The following SQLE variants were observed in gnomAD, a reference collection of about 807,000 sequenced individuals.
The protein encoded by SQLE is squalene epoxidase.
Under a neutral mutation model 60.7 loss-of-function variants are expected in SQLE, and 29 were observed. That is an observed-to-expected ratio of 0.48 (90% confidence interval 0.36 to 0.65). The LOEUF (loss-of-function observed/expected upper bound fraction) is 0.65, where lower values mean the gene tolerates loss of function less well. Ranked by LOEUF, SQLE falls within the 30% of genes least tolerant of loss-of-function variation. The pLI, the probability that SQLE is intolerant of heterozygous loss-of-function variation, is 0.00. For missense variants in SQLE, 605 were observed against 684.1 expected (o/e 0.88, Z 1.29); for synonymous variants, 237 against 246.8 (o/e 0.96, Z 0.37).
chr8:125,004,821 A>G (rs1814921785), intron 2 of SQLE, among the ~76,000 whole-genome samples: 1 of 152,036 alleles, frequency 6.6e-6, no homozygotes, highest in South Asian at 2.1e-4. Flanking sequence ...TGGCACTTTA[A>G]AAATGTGATA....
In SQLE at chr8:125,018,735, TAG is replaced by T. The variant is rs1815150888; in HGVS notation, c.1444+10_1444+11del. The stretch of plus-strand genomic sequence containing the variant: ...TATTTTCTGCCACAGATGGTAAGTG[TAG>T]ACACTTTTTAGTGAATATTACTCAA... On this transcript the variant is annotated intron_variant, in intron 9 of 10. Coordinates refer to ENST00000265896, the MANE Select transcript of SQLE (RefSeq NM_003129.4). The T allele has an allele frequency of 6.4e-7, 1 of 1,564,582 alleles. No individual in the cohort carries two copies. The highest frequency in any genetic ancestry group is 1.4e-5 in the African/African-American group (1 of 73,068).
Position 125,009,052 on chromosome 8 carries a change from G to A in SQLE, c.904G>A (p.Val302Ile), listed in dbSNP as rs766266300. ...RKSLVSNKVS[V>I]SSHFVGFLMK... ...AAGCCTGGTCTCCAATAAAGTTTCT[G>A]TATCATCTCATTTTGTTGGCTTTCT... Residue 302 changes from valine (V) to isoleucine (I), a missense_variant, in exon 5 of 11, where the codon GTA becomes ATA. Physicochemically the swap from Val to Ile is conservative, Grantham distance 29. Transcript: ENST00000265896. 3 of 1,600,234 alleles carry A rather than the reference G, an allele frequency of 1.9e-6. No homozygotes were observed. The highest frequency in any genetic ancestry group is 2.6e-6 in the Non-Finnish European group (3 of 1,175,060).
intron 1 of SQLE, among the ~76,000 whole-genome samples, chr8:125,001,658 AT>A (rs769038906): frequency 1.3e-5 from 2 of 151,242 alleles, no homozygotes; most frequent in African/African-American, 4.9e-5. Flanking sequence ...ACAGAAAAGT[AT>A]TTTTCTGAGA....
chr8:125,006,829 C>T (rs192926307), intron 3 of SQLE, among the ~76,000 whole-genome samples: 2,441 of 151,510 alleles, frequency 0.016, 78 homozygotes, highest in African/African-American at 0.055. Flanking sequence ...CTCAGCCTCC[C>T]GAGTAGCTGG....
chr8:125,021,683 A>G (rs1196844908), intron 10 of SQLE, 70 bp from the exon 11 acceptor site: 24 of 1,116,046 alleles, frequency 2.2e-5, no homozygotes, highest in East Asian at 1.8e-4. Flanking sequence ...CGTAGATTAT[A>G]TGTAATTGGA....
At chr8:125,001,094 A>G (rs2129868534) in intron 1 of SQLE, among the ~76,000 whole-genome samples, 1 of 152,262 alleles carries the variant, frequency 6.6e-6, no homozygotes, top group South Asian at 2.1e-4. Flanking sequence ...GTTCAGTGAC[A>G]TGGTGCATGG....
intron 7 of SQLE, 28 bp from the exon 8 acceptor site, chr8:125,018,031 A>G (rs1815137381): frequency 6.2e-7 from 1 of 1,608,436 alleles, no homozygotes; most frequent in African/African-American, 1.3e-5. Context: ...ATGCTCTAAA[A>G]TAAAATCTTC....
chr8:125,018,078 C>T lies in SQLE; in HGVS notation c.1224C>T (p.Asp408=), dbSNP rs768467654. The T allele has an allele frequency of 4.3e-5, 69 of 1,613,372 alleles. No homozygotes were observed. Among genetic ancestry groups the T allele is most frequent in the East Asian group, 3.1e-4 (14 of 44,868 alleles). ...VKKRGVLLLG[D]AYNMRHPLTG... ...TCATAGGTGTTCTTCTTTTGGGAGA[C>T]GCATATAATATGAGGCATCCACTTA... Residue 408 remains aspartate (D), a synonymous_variant, in exon 8 of 11, where the codon GAC becomes GAT. Coordinates refer to ENST00000265896, the MANE Select transcript of SQLE (RefSeq NM_003129.4).
rs1041191875 is a variant in SQLE at position 125,007,421 on chromosome 8, G to A, written c.756G>A (p.Gln252=). 1.3e-6 allele frequency: 2 copies of A among 1,556,404 alleles called. No homozygotes were observed. Among genetic ancestry groups the A allele is most frequent in the Non-Finnish European group, 1.7e-6 (2 of 1,149,272 alleles). ...AGTTTATTGAAGGTGTTGTGTTACA[G>A]TTATTAGAGGAAGATGATGTTGTGA... ...NAKFIEGVVL[Q]LLEEDDVVMG... Residue 252 remains glutamine, a synonymous_variant, in exon 4 of 11, where the codon CAG becomes CAA. Transcript: ENST00000265896.
chr8:125,018,675 T>G lies in SQLE; in HGVS notation c.1392T>G (p.Phe464Leu), dbSNP rs747201931. Residue 464 changes from phenylalanine to leucine, a missense_variant, in exon 9 of 11, where the codon TTT becomes TTG. Physicochemically the swap from Phe to Leu is conservative, Grantham distance 22. Transcript: ENST00000265896. ...GGGCAAGAAAAACATCTCATTCCTTTGTCGTGAATATCCTTGCTCAGGCTC... is the reference window on the plus strand; with the variant it reads ...GGGCAAGAAAAACATCTCATTCCTTGGTCGTGAATATCCTTGCTCAGGCTC... Reference protein sequence around the residue: ...FYWARKTSHSFVVNILAQALY... With the variant: ...FYWARKTSHSLVVNILAQALY... The G allele has an allele frequency of 2.5e-6, 4 of 1,607,166 alleles. No homozygotes were observed. Among genetic ancestry groups the G allele is most frequent in the Non-Finnish European group, 3.4e-6 (4 of 1,178,288 alleles).
intron 9 of SQLE, among the ~76,000 whole-genome samples, chr8:125,019,321 A>AG (rs1815163853): frequency 1.3e-5 from 2 of 152,170 alleles, no homozygotes; most frequent in Admixed American, 1.3e-4. Flanking sequence ...GAAATGATTC[A>AG]TGCCTGTAAT....
chr8:125,015,053 T>TA (rs1815090588), intron 7 of SQLE, among the ~76,000 whole-genome samples: 1 of 152,214 alleles, frequency 6.6e-6, no homozygotes, highest in Admixed American at 6.5e-5. Context: ...TCCTTAGCTC[T>TA]AATAATATTT....
chr8:125,018,253 G>A (rs1262359229), intron 8 of SQLE, 52 bp downstream of exon 8: 4 of 1,589,756 alleles, frequency 2.5e-6, no homozygotes, highest in South Asian at 1.1e-5. Context: ...TATTTCTGGG[G>A]GTTAAGAGCA....
intron 1 of SQLE, among the ~76,000 whole-genome samples, chr8:125,002,266 C>A (rs1814867251): frequency 6.6e-6 from 1 of 152,098 alleles, no homozygotes; most frequent in Non-Finnish European, 1.5e-5. Context: ...TTTAGATAAT[C>A]TTCAATTAAT....
At chr8:125,021,729 A>G in intron 10 of SQLE, 24 bp from the exon 11 acceptor site, 1 of 1,533,544 alleles carries the variant, frequency 6.5e-7, no homozygotes, top group Non-Finnish European at 8.8e-7. Context: ...GAGTCTTACC[A>G]ATATGTATTT....
chr8:125,009,042 TAA>T lies in SQLE; in HGVS notation c.896_897del (p.Lys299SerfsTer19). ...AGTTCAGGAAAAGCCTGGTCTCCAA[TAA>T]AGTTTCTGTATCATCTCATTTTGTT... The part of the protein sequence containing the change: ...SKFRKSLVSN[K>X]VSVSSHFVGF... On this transcript the variant is annotated frameshift_variant, in exon 5 of 11. Coordinates refer to ENST00000265896, the MANE Select transcript of SQLE (RefSeq NM_003129.4). LOFTEE classifies it high-confidence loss of function. 6.2e-7 allele frequency: 1 copy of T among 1,603,932 alleles called. No homozygotes were observed. The highest frequency in any genetic ancestry group is 8.5e-7 in the Non-Finnish European group (1 of 1,176,178).
chr8:125,011,591 T>C lies in SQLE; in HGVS notation c.1163T>C (p.Met388Thr). The change falls in exon 7 of 11, where the codon ATG becomes ACG. Residue 388 changes from methionine (M) to threonine (T), a missense_variant. Transcript: ENST00000265896. ...ACTGACAATTCTCATCTGAGGTCCA[T>C]GCCAGCAAGCTTCCTTCCTCCTTCA... Reference protein sequence around the residue: ...EATDNSHLRSMPASFLPPSSV... With the variant: ...EATDNSHLRSTPASFLPPSSV... The C allele has an allele frequency of 6.3e-7, 1 of 1,586,776 alleles. No homozygotes were observed. Among genetic ancestry groups the C allele is most frequent in the East Asian group, 2.3e-5 (1 of 44,176 alleles).
intron 7 of SQLE, among the ~76,000 whole-genome samples, chr8:125,013,816 C>A (rs959074523): frequency 6.6e-6 from 1 of 152,168 alleles, no homozygotes; most frequent in Non-Finnish European, 1.5e-5. Context: ...GTTGAAAAGA[C>A]TGTTTGTTCC....
intron 3 of SQLE, among the ~76,000 whole-genome samples, chr8:125,006,850 A>G (rs1206870274): frequency 2.0e-5 from 3 of 151,536 alleles, no homozygotes; most frequent in East Asian, 4.0e-4. Context: ...GATTACAGGC[A>G]CATGCCACCA....
Sources: allele counts gnomAD v4.1 joint callset (sites outside exome capture counted in the v4.1 genomes callset), GRCh38; gene constraint gnomAD v4.1.1; transcripts MANE v1.5; gene names NCBI Gene and HGNC (gene_info 2026-07-23, HGNC 2026-07-21).